The following XPO5 variants were observed in gnomAD, a reference collection of about 807,000 sequenced individuals.
XPO5 encodes the protein exportin 5, also known as exportin-5.
Under a neutral mutation model 160.6 loss-of-function variants are expected in XPO5, and 46 were observed. The ratio of observed to expected loss-of-function variants is 0.29; its 90% CI spans 0.23 to 0.37. The LOEUF (loss-of-function observed/expected upper bound fraction) is 0.37, where lower values mean the gene tolerates loss of function less well. Among genes scored for constraint, XPO5 ranks in the 10% least tolerant of loss-of-function variants. XPO5 has a pLI of 1.00. For synonymous variants in XPO5, 537 were observed against 519.3 expected, an observed-to-expected ratio of 1.03 and a Z score of -0.46; for missense variants, 1,090 against 1,463.9, an observed-to-expected ratio of 0.74 and a Z score of 4.17.
At chr6:43,543,694 A>G (rs910293462) in intron 20 of XPO5, among the ~76,000 whole-genome samples, 1 of 151,452 alleles carries the variant, frequency 6.6e-6, no homozygotes, top group African/African-American at 2.4e-5. Flanking sequence ...CTTTTTTGAG[A>G]CGGAGTCTTC....
rs199977124 is a variant in XPO5 at position 43,526,678 on chromosome 6, C to T, written c.2983+7G>A. 4.6e-4 allele frequency: 736 copies of T among 1,613,818 alleles called. No individual in the cohort carries two copies. Among genetic ancestry groups the T allele is most frequent in the Middle Eastern group, 6.6e-4 (4 of 6,062 alleles). On this transcript the variant is annotated splice_region_variant and intron_variant, in intron 27 of 31. Coordinates refer to ENST00000265351, the MANE Select transcript of XPO5 (RefSeq NM_020750.3). The stretch of plus-strand genomic sequence containing the variant: ...GCAGAACTCCAAGGTCTCACAGGCT[C>T]ACTTACCGTCTCCATCTGCTGGGGG...
In XPO5 at chr6:43,570,989, T is replaced by C. The variant is rs757023344; in HGVS notation, c.306A>G (p.Thr102=). 5.6e-6 allele frequency: 9 copies of C among 1,608,890 alleles called. No individual in the cohort carries two copies. The highest frequency in any genetic ancestry group is 1.7e-4 in the Middle Eastern group (1 of 6,028). ...NSVMELIANG[T]LNILEEENHI... ...GGTTCTCCTCTTCCAAAATGTTCAA[T>C]GTTCCCTGAAAAAGAACAAGAGATA... The change falls in exon 4 of 32, where the codon ACA becomes ACG. Residue 102 remains threonine, a synonymous_variant. Transcript: ENST00000265351.
Position 43,560,232 on chromosome 6 carries a change from C to T in XPO5, c.1167G>A (p.Leu389=), listed in dbSNP as rs773279445. 2.5e-6 allele frequency: 4 copies of T among 1,612,018 alleles called. No individual in the cohort carries two copies. The highest frequency in any genetic ancestry group is 3.4e-6 in the Non-Finnish European group (4 of 1,179,104). ...FRHEILSRDP[L]LLAIIPKYLR... is the part of the protein sequence containing the mutation. ...GATATTTTGGTATTATTGCTAATAGCAAAGGATCACGGGACAGGATTTCAT... is the reference window on the plus strand; with the variant it reads ...GATATTTTGGTATTATTGCTAATAGTAAAGGATCACGGGACAGGATTTCAT... Residue 389 remains leucine, a synonymous_variant, in exon 11 of 32, where the codon TTG becomes TTA. Coordinates refer to ENST00000265351, the MANE Select transcript of XPO5 (RefSeq NM_020750.3).
chr6:43,532,995 A>C (rs973965860), intron 21 of XPO5, among the ~76,000 whole-genome samples: 4 of 151,928 alleles, frequency 2.6e-5, no homozygotes, highest in African/African-American at 7.3e-5. Flanking sequence ...AAATACAAAA[A>C]ATTAGCCGGG....
chr6:43,574,270 G>A lies in XPO5; in HGVS notation c.106-669C>T, dbSNP rs529623732. Among the ~76,000 whole-genome samples the A allele has an allele frequency of 2.1e-3, 322 of 152,138 alleles. 1 individual carries two copies. The highest frequency in any genetic ancestry group is 3.7e-3 in the Non-Finnish European group (252 of 67,994). On this transcript the variant is annotated intron_variant, in intron 1 of 31. Transcript: ENST00000265351. ...GTGAGCCGAGATCTCACCACTGCAC[G>A]CCAGCCTGGACAACCAGAGTGAGAC...
chr6:43,567,138 G>C (rs779466549), intron 7 of XPO5, 31 bp downstream of exon 7: 1 of 1,586,338 alleles, frequency 6.3e-7, no homozygotes, highest in Non-Finnish European at 8.6e-7. Flanking sequence ...TTCAGAGACT[G>C]AGGATAAGTC....
In XPO5 at chr6:43,527,451, A is replaced by G. The variant is rs567845831; in HGVS notation, c.2920+183T>C. 2.5e-4 allele frequency: 138 copies of G among 562,622 alleles called. 2 individuals are homozygous for G. In the South Asian group the frequency reaches 2.8e-3, roughly 12 times the overall value. 34.9% of individuals were successfully genotyped at this position (562,622 alleles called of 1,614,324 possible). A position where few individuals can be genotyped will look rare whatever the true frequency, so the allele number is the denominator to read the frequency against. ...ACTACGCCCAGCTAATTTTTGTATT[A>G]TTAGTAGAGACAGGGTTTCACCATG... On this transcript the variant is annotated intron_variant, in intron 26 of 31. Coordinates refer to ENST00000265351, the MANE Select transcript of XPO5 (RefSeq NM_020750.3).
intron 13 of XPO5, 76 bp from the exon 14 acceptor site, chr6:43,553,579 A>C: frequency 6.7e-7 from 1 of 1,502,010 alleles, no homozygotes; most frequent in Non-Finnish European, 8.9e-7. Flanking sequence ...CGCAGAAGAC[A>C]CAGAGAGACA....
intron 20 of XPO5, among the ~76,000 whole-genome samples, chr6:43,545,782 T>C (rs908008543): frequency 1.3e-5 from 2 of 152,048 alleles, no homozygotes; most frequent in Non-Finnish European, 2.9e-5. Context: ...AACTGAATTA[T>C]ATAAAAAAAC....
At chr6:43,527,136 C>T (rs6458339) in intron 26 of XPO5, 6,061 of 231,128 alleles carry the variant, frequency 0.026, 386 homozygotes, top group African/African-American at 0.13. Context: ...GGAAGTTATT[C>T]CTAATGAATC....
rs780211700 is a variant in XPO5, at chr6:43,555,809, TA to T, written c.1441+26del. 10 of 1,613,384 alleles carry T rather than the reference TA, an allele frequency of 6.2e-6. No individual in the cohort carries two copies. The South Asian group carries it at 9.9e-5, about 16-fold the overall frequency. Reference sequence around the variant, plus strand: ...TTTTGATACTGTCCTAACATTTCACTAACATTCAGTAATGAAAAAAACTTAC... The same window carrying T: ...TTTTGATACTGTCCTAACATTTCACTACATTCAGTAATGAAAAAAACTTAC... On this transcript the variant is annotated intron_variant, in intron 13 of 31. Coordinates refer to ENST00000265351, the MANE Select transcript of XPO5 (RefSeq NM_020750.3).
chr6:43,567,339 G>A lies in XPO5; in HGVS notation c.664C>T (p.Arg222Ter). The A allele has an allele frequency of 1.9e-6, 3 of 1,605,900 alleles. No homozygotes were observed. Among genetic ancestry groups the A allele is most frequent in the African/African-American group, 1.3e-5 (1 of 74,762 alleles). ...SQESKAQANC[R>*]VGVAALNTLA... ...GTATTCAGTGCTGCAACTCCTACTC[G>A]ACAGTTTGCTTGCGCCTACCAGAAA... The change falls in exon 7 of 32, where the codon CGA becomes TGA. Residue 222 changes from arginine (R) to a stop codon, truncating the protein, a stop_gained. Coordinates refer to ENST00000265351, the MANE Select transcript of XPO5 (RefSeq NM_020750.3). LOFTEE classifies it high-confidence loss of function.
In XPO5 at chr6:43,570,531, G is replaced by C; in HGVS notation, c.592C>G (p.Gln198Glu). Residue 198 changes from glutamine (Q) to glutamate (E), a missense_variant, in exon 5 of 32, where the codon CAA becomes GAA. By Grantham distance (29) the Gln-to-Glu change is conservative. Coordinates refer to ENST00000265351, the MANE Select transcript of XPO5 (RefSeq NM_020750.3). ...RIFSFLLNTL[Q>E]ENVNKYQQVK... ...TGCTGATACTTGTTTACATTTTCTTGAAGTGTGTTAAGCAGAAAACTGAAG... is the reference window on the plus strand; with the variant it reads ...TGCTGATACTTGTTTACATTTTCTTCAAGTGTGTTAAGCAGAAAACTGAAG... 3 of 1,613,536 alleles carry C rather than the reference G, an allele frequency of 1.9e-6. No individual in the cohort carries two copies. Among genetic ancestry groups the C allele is most frequent in the Non-Finnish European group, 2.5e-6 (3 of 1,179,772 alleles).
chr6:43,549,821 A>G, intron 16 of XPO5, 72 bp downstream of exon 16: 1 of 1,467,746 alleles, frequency 6.8e-7, no homozygotes, highest in Non-Finnish European at 9.3e-7. Flanking sequence ...ATAAAAATAT[A>G]AACTGAGTAT....
At chr6:43,538,784 C>A in intron 20 of XPO5, 1 of 709,472 alleles carries the variant, frequency 1.4e-6, no homozygotes. Context: ...TTTTTTTTTC[C>A]CACGCTTAAT....
chr6:43,531,637 A>T, intron 21 of XPO5, 62 bp from the exon 22 acceptor site: 1 of 1,388,972 alleles, frequency 7.2e-7, no homozygotes, highest in Non-Finnish European at 1.0e-6. Context: ...ATTGGCCAAC[A>T]CTCTACAGCA....
chr6:43,573,848 G>A (rs1763145184), intron 1 of XPO5, among the ~76,000 whole-genome samples: 1 of 143,404 alleles, frequency 7.0e-6, no homozygotes, highest in African/African-American at 2.6e-5. Context: ...TTTTGAGACG[G>A]AGTCTCACTC....
intron 31 of XPO5, 82 bp downstream of exon 31, chr6:43,524,389 A>G (rs1582189826): frequency 7.9e-6 from 12 of 1,512,004 alleles, no homozygotes; most frequent in South Asian, 1.3e-5. Context: ...ATAATGGTCA[A>G]TAACTACAGC....
At chr6:43,560,554 T>C (rs1005130096) in intron 10 of XPO5, among the ~76,000 whole-genome samples, 5 of 152,226 alleles carry the variant, frequency 3.3e-5, no homozygotes, top group African/African-American at 1.2e-4. Context: ...CAAAAAAGGA[T>C]ACTGGAATCT....
Sources: gnomAD v4.1 joint callset for allele counts (sites outside exome capture counted in the v4.1 genomes callset) on GRCh38, gnomAD v4.1.1 for gene constraint, MANE v1.5 for transcripts, NCBI Gene and HGNC (gene_info 2026-07-23, HGNC 2026-07-21) for gene names.